Variants in GLI3 observed in about 807,000 individuals in gnomAD.
The protein encoded by GLI3 is GLI family zinc finger 3.
Under a neutral mutation model 100.8 loss-of-function variants are expected in GLI3, and 20 were observed. That is an observed-to-expected ratio of 0.20 (90% CI 0.14 to 0.29). The LOEUF is 0.29. Ranked by LOEUF, GLI3 falls within the 10% of genes least tolerant of loss-of-function variation. GLI3 has a pLI of 1.00. For missense variants in GLI3, 2,040 were observed against 2,128.5 expected, an observed-to-expected ratio of 0.96 and a Z score of 0.82; for synonymous variants, 938 against 860.5, an observed-to-expected ratio of 1.09 and a Z score of -1.58.
At chr7:41,976,011 A>T (rs1787500127) in intron 12 of GLI3, among the ~76,000 whole-genome samples, 1 of 152,234 alleles carries the variant, frequency 6.6e-6, no homozygotes, top group Admixed American at 6.5e-5. Context: ...TACATTCTAG[A>T]CATTGTGTAA....
chr7:42,193,684 A>G (rs3801216), intron 2 of GLI3, among the ~76,000 whole-genome samples: 98,835 of 152,028 alleles, frequency 0.65, 33,645 homozygotes, highest in African/African-American at 0.85. Context: ...TTTTAACTCA[A>G]TATTACCTGT....
intron 7 of GLI3, among the ~76,000 whole-genome samples, chr7:42,028,218 T>C (rs1789177825): frequency 1.3e-5 from 2 of 152,282 alleles, no homozygotes; most frequent in Middle Eastern, 3.4e-3. Context: ...CACATATAAT[T>C]ACCATGGCAC....
chr7:42,102,581 G>A (rs545964468), intron 3 of GLI3, among the ~76,000 whole-genome samples: 74 of 152,336 alleles, frequency 4.9e-4, no homozygotes, highest in Non-Finnish European at 8.7e-4. Context: ...CCCAGCCACC[G>A]AGCAGCTGTA....
At chr7:42,059,677 G>T (rs529572707) in intron 4 of GLI3, among the ~76,000 whole-genome samples, 1 of 152,334 alleles carries the variant, frequency 6.6e-6, no homozygotes, top group Admixed American at 6.5e-5. Context: ...TTGAATGGGC[G>T]ATGGAGAGCT....
intron 2 of GLI3, among the ~76,000 whole-genome samples, chr7:42,168,317 G>C (rs868385320): frequency 3.3e-5 from 5 of 152,164 alleles, no homozygotes; most frequent in South Asian, 2.1e-4. Flanking sequence ...TGTTAGGGGA[G>C]AGGAGAGAAT....
At chr7:41,982,546 A>G (rs529321858) in intron 10 of GLI3, among the ~76,000 whole-genome samples, 1 of 149,204 alleles carries the variant, frequency 6.7e-6, no homozygotes, top group Admixed American at 6.7e-5. Flanking sequence ...CCCCATGTCT[A>G]AAAAAAAAAT....
At position 41,960,987 on chromosome 7, in the gene GLI3, CATTTT is replaced by C. The variant is rs1786996437; in HGVS notation, c.*3338_*3342del. 6.7e-6 allele frequency: 1 copy of C among 148,640 alleles called. No homozygotes were observed. The highest frequency in any genetic ancestry group is 1.5e-5 in the Non-Finnish European group (1 of 65,598). The allele number at this position is 148,640 out of a possible 1,614,324, so 9.2% of individuals were successfully genotyped here. A position where few individuals can be genotyped will look rare whatever the true frequency, so the allele number is the denominator to read the frequency against. On this transcript the variant is annotated 3_prime_UTR_variant, in exon 15 of 15. Transcript: ENST00000395925. ...AATTTTTTATTGACATTGTAAGAAA[CATTTT>C]TTTTTCTTTGTTACAAAAGGACTAA...
Position 42,040,167 on chromosome 7 carries a change from G to T in GLI3, c.899C>A (p.Ser300Tyr). ...RKRTLSISPLSDHSFDLQTMI... is the reference protein window; with the variant it reads ...RKRTLSISPLYDHSFDLQTMI... ...GGTCTGAAGGTCAAAGCTATGATCG[G>T]AGAGTGGTGATATGGACAGTGTACG... Residue 300 changes from serine (S) to tyrosine (Y), a missense_variant, in exon 7 of 15, where the codon TCC becomes TAC. This residue lies in a region of GLI3 where 603 missense variants were observed against 690.9 expected (regional missense o/e 0.87). Transcript: ENST00000395925. The T allele has an allele frequency of 1.2e-6, 2 of 1,613,878 alleles. No individual in the cohort carries two copies.
intron 1 of GLI3, among the ~76,000 whole-genome samples, chr7:42,250,790 A>T (rs938709843): frequency 2.6e-5 from 4 of 152,228 alleles, no homozygotes; most frequent in African/African-American, 9.6e-5. Flanking sequence ...TTTCCTTCAC[A>T]TAAAGGCCAG....
intron 1 of GLI3, among the ~76,000 whole-genome samples, chr7:42,245,096 C>G (rs1788958477): frequency 6.6e-6 from 1 of 152,214 alleles, no homozygotes; most frequent in African/African-American, 2.4e-5. Context: ...AAAGGCTGTA[C>G]TGGTTTATGC....
In GLI3 at chr7:42,231,234, G is replaced by GCTAT. The variant is rs903644524; in HGVS notation, c.-43+5733_-43+5736dup. Among the ~76,000 whole-genome samples the GCTAT allele has an allele frequency of 1.4e-4, 22 of 152,238 alleles. 1 individual carries two copies. The highest frequency in any genetic ancestry group is 5.1e-4 in the African/African-American group (21 of 41,532). ...CTGTTGCATGTTAAAATCATCTACA[G>GCTAT]CTATCCCAAAGGTATTTAACATTTT... On this transcript the variant is annotated intron_variant, in intron 1 of 14. Transcript: ENST00000395925.
At position 42,025,324 on chromosome 7, in the gene GLI3, G is replaced by C. The variant is rs1789080462; in HGVS notation, c.1296C>G (p.Asn432Lys). 1 of 1,614,052 alleles carries C rather than the reference G, an allele frequency of 6.2e-7. No homozygotes were observed. Among genetic ancestry groups the C allele is most frequent in the Non-Finnish European group, 8.5e-7 (1 of 1,180,014 alleles). The change falls in exon 9 of 15, where the codon AAC (asparagine) becomes AAG (lysine). Residue 432 changes from asparagine to lysine, a missense_variant. Coordinates refer to ENST00000395925, the MANE Select transcript of GLI3 (RefSeq NM_000168.6). ...CATCGGGTTTGATCTTGGACCTCTT[G>C]TTGTGCATCGGGTCACCAGTGCTGC... ...AVSSTGDPMHNKRSKIKPDED... is the reference protein window; with the variant it reads ...AVSSTGDPMHKKRSKIKPDED...
intron 1 of GLI3, among the ~76,000 whole-genome samples, chr7:42,227,084 GT>G (rs1788595061): frequency 1.3e-5 from 2 of 152,180 alleles, no homozygotes; most frequent in African/African-American, 4.8e-5. Context: ...AAAACGTTAA[GT>G]TCTGCTTCAC....
intron 2 of GLI3, among the ~76,000 whole-genome samples, chr7:42,177,587 G>A (rs1368779043): frequency 6.6e-6 from 1 of 152,128 alleles, no homozygotes; most frequent in African/African-American, 2.4e-5. Flanking sequence ...CATTTCTATG[G>A]CTTAAAAACA....
At chr7:42,107,242 G>T (rs1287152334) in intron 3 of GLI3, among the ~76,000 whole-genome samples, 2 of 152,078 alleles carry the variant, frequency 1.3e-5, no homozygotes, top group Admixed American at 1.3e-4. Context: ...GAAGTGGAAG[G>T]ACCCCTTGAG....
intron 3 of GLI3, among the ~76,000 whole-genome samples, chr7:42,105,633 A>G (rs1015457751): frequency 3.3e-5 from 5 of 152,182 alleles, no homozygotes; most frequent in African/African-American, 9.7e-5. Flanking sequence ...GGAAATGTAC[A>G]TCTGAATTTA....
intron 2 of GLI3, among the ~76,000 whole-genome samples, chr7:42,192,570 A>G (rs375286961): frequency 3.4e-4 from 52 of 152,364 alleles, no homozygotes; most frequent in African/African-American, 1.2e-3. Flanking sequence ...AGTCCTTATC[A>G]TAAAAAGTCT....
intron 14 of GLI3, 22 bp downstream of exon 14, chr7:41,967,574 C>T (rs1275175324): frequency 1.3e-6 from 2 of 1,550,498 alleles, no homozygotes; most frequent in Non-Finnish European, 1.8e-6. Context: ...TGAGCAGATG[C>T]ATGGTCTGAT....
rs181728928 is a variant in GLI3 at position 42,154,261 on chromosome 7, A to G, written c.125-5793T>C. On this transcript the variant is annotated intron_variant, in intron 2 of 14. Transcript: ENST00000395925. ...CTGGACCCACGTGGAGGACCCGCAC[A>G]GGTGCAATCCTCCCCCTACCACGCG... 4.4e-3 allele frequency among the ~76,000 whole-genome samples: 677 copies of G among 152,248 alleles called. 3 individuals carry two copies. Among genetic ancestry groups the G allele is most frequent in the Non-Finnish European group, 6.0e-3 (409 of 68,026 alleles).
Sources: allele counts gnomAD v4.1 joint callset (sites outside exome capture counted in the v4.1 genomes callset), GRCh38; gene constraint gnomAD v4.1.1; regional missense constraint gnomAD v4.1.1; transcripts MANE v1.5; gene names NCBI Gene and HGNC (gene_info 2026-07-23, HGNC 2026-07-21).